Variants in COL22A1 observed in about 807,000 individuals in gnomAD.
COL22A1 encodes the protein collagen alpha-1(XXII) chain.
Under a neutral mutation model 248.9 loss-of-function variants are expected in COL22A1, and 221 were observed. The observed-to-expected ratio is 0.89, with a 90% confidence interval of 0.80 to 0.99. The LOEUF is 0.99. COL22A1 is among the 50% of genes least tolerant of loss of function. The pLI is 0.00. For missense variants in COL22A1, 2,240 were observed against 2,179.0 expected, an observed-to-expected ratio of 1.03 and a Z score of -0.56; for synonymous variants, 891 against 793.4, an observed-to-expected ratio of 1.12 and a Z score of -2.07.
intron 22 of COL22A1, among the ~76,000 whole-genome samples, chr8:138,746,037 A>T (rs1421054698): frequency 6.6e-6 from 1 of 152,250 alleles, no homozygotes; most frequent in African/African-American, 2.4e-5. Context: ...CATCTCCTGC[A>T]GCTCCGGGGA....
At chr8:138,723,674 G>A (rs542852050) in intron 25 of COL22A1, among the ~76,000 whole-genome samples, 7 of 152,148 alleles carry the variant, frequency 4.6e-5, no homozygotes, top group Non-Finnish European at 1.0e-4. Flanking sequence ...AACGTTTGCC[G>A]GTGATGGTGC....
At chr8:138,591,381 G>T (rs746907734) in intron 64 of COL22A1, 43 bp downstream of exon 64, 1 of 1,465,006 alleles carries the variant, frequency 6.8e-7, no homozygotes, top group Non-Finnish European at 9.2e-7. Flanking sequence ...GGGTCTCCAG[G>T]GTAGCTCACA....
At chr8:138,670,591 G>T (rs1473673912) in intron 41 of COL22A1, among the ~76,000 whole-genome samples, 1 of 151,172 alleles carries the variant, frequency 6.6e-6, no homozygotes, top group Non-Finnish European at 1.5e-5. Context: ...AGGCAGATAA[G>T]ACATGAATTA....
intron 22 of COL22A1, among the ~76,000 whole-genome samples, chr8:138,747,763 C>G (rs11166840): frequency 6.6e-6 from 1 of 151,668 alleles, no homozygotes; most frequent in Admixed American, 6.6e-5. Context: ...CCAGTAGATA[C>G]AGAAGAAGAA....
intron 32 of COL22A1, 33 bp downstream of exon 32, chr8:138,700,079 C>T (rs773459102): frequency 1.5e-5 from 24 of 1,609,012 alleles, no homozygotes; most frequent in South Asian, 6.7e-5. Flanking sequence ...GGCCGAGGCA[C>T]ACTGGGCACC....
chr8:138,636,361 C>T (rs113153706), intron 48 of COL22A1, among the ~76,000 whole-genome samples: 9 of 150,338 alleles, frequency 6.0e-5, no homozygotes, highest in African/African-American at 2.2e-4. Context: ...AGCAAGAGAG[C>T]CAGGCAACAG....
At chr8:138,837,172 C>G (rs1456572172) in intron 4 of COL22A1, among the ~76,000 whole-genome samples, 1 of 152,158 alleles carries the variant, frequency 6.6e-6, no homozygotes, top group Non-Finnish European at 1.5e-5. Flanking sequence ...CTGGGGACCA[C>G]AGTGGGAACC....
chr8:138,669,369 G>A (rs532421827), intron 41 of COL22A1, among the ~76,000 whole-genome samples: 6 of 152,290 alleles, frequency 3.9e-5, no homozygotes, highest in South Asian at 2.1e-4. Context: ...CCTGGAGGCC[G>A]GTCAGGGCAG....
intron 1 of COL22A1, among the ~76,000 whole-genome samples, chr8:138,909,778 T>C (rs1441162681): frequency 6.6e-6 from 1 of 152,284 alleles, no homozygotes; most frequent in East Asian, 1.9e-4. Context: ...AGGGCCACCC[T>C]CAAACACTCT....
At chr8:138,715,347 C>G (rs1829343945) in intron 30 of COL22A1, among the ~76,000 whole-genome samples, 2 of 151,954 alleles carry the variant, frequency 1.3e-5, no homozygotes. Context: ...CACCTGAGGT[C>G]AGGAGTTGCA....
rs79553135 is a variant in COL22A1, at chr8:138,857,362, G to A, written c.659-13204C>T. On this transcript the variant is annotated intron_variant, in intron 3 of 64. Coordinates refer to ENST00000303045, the MANE Select transcript of COL22A1 (RefSeq NM_152888.3). ...GGTCAGTGCCAAGCAGGACTGCAGT[G>A]TGGCCCCTCACATGACCACACCCTT... Among the ~76,000 whole-genome samples, 457 of 152,350 alleles carry A rather than the reference G, an allele frequency of 3.0e-3. 2 individuals carry two copies. The highest frequency in any genetic ancestry group is 0.01 in the African/African-American group (431 of 41,568).
intron 10 of COL22A1, among the ~76,000 whole-genome samples, chr8:138,807,192 C>T (rs1011271855): frequency 2.0e-5 from 3 of 152,054 alleles, no homozygotes; most frequent in African/African-American, 7.2e-5. Flanking sequence ...GGGAGAGGCC[C>T]AGCTGTCTCC....
chr8:138,874,291 C>T (rs1823548125), intron 3 of COL22A1, among the ~76,000 whole-genome samples: 1 of 152,176 alleles, frequency 6.6e-6, no homozygotes, highest in Admixed American at 6.5e-5. Context: ...TCACAGAATC[C>T]ATGAGCTTTT....
At position 138,643,363 on chromosome 8, in the gene COL22A1, G is replaced by A. The variant is rs1434216070; in HGVS notation, c.3501+3266C>T. 3.3e-5 allele frequency among the ~76,000 whole-genome samples: 5 copies of A among 152,152 alleles called. No individual in the cohort carries two copies. The South Asian group carries it at 6.2e-4, about 19-fold the overall frequency. On this transcript the variant is annotated intron_variant, in intron 47 of 64. Coordinates refer to ENST00000303045, the MANE Select transcript of COL22A1 (RefSeq NM_152888.3). ...TCTTCACAGTCCACGGGTCATGATCGCTAGATGTCTTAAGCTGTCAGCTAG... is the reference window on the plus strand; with the variant it reads ...TCTTCACAGTCCACGGGTCATGATCACTAGATGTCTTAAGCTGTCAGCTAG...
At chr8:138,676,759 G>A in intron 40 of COL22A1, 124 bp from the exon 41 acceptor site, 1 of 706,324 alleles carries the variant, frequency 1.4e-6, no homozygotes, top group East Asian at 2.8e-5. Context: ...TGGCCTCCAT[G>A]GGCCATGCTA....
intron 12 of COL22A1, among the ~76,000 whole-genome samples, chr8:138,782,165 T>C (rs1482850922): frequency 2.6e-5 from 4 of 152,220 alleles, no homozygotes; most frequent in African/African-American, 9.6e-5. Context: ...GACAAATGTC[T>C]CTGGCCATGG....
chr8:138,664,435 C>A (rs138703528), intron 41 of COL22A1, among the ~76,000 whole-genome samples: 155 of 152,210 alleles, frequency 1.0e-3, no homozygotes, highest in Non-Finnish European at 2.0e-3. Context: ...TGAGGCTTTG[C>A]GATGCTTGTG....
chr8:138,734,139 G>C (rs4567084), intron 23 of COL22A1, among the ~76,000 whole-genome samples: 1 of 151,960 alleles, frequency 6.6e-6, no homozygotes, highest in Non-Finnish European at 1.5e-5. Context: ...AAAGCTCTGC[G>C]GGAAATAGAC....
At position 138,745,473 on chromosome 8, in the gene COL22A1, C is replaced by T. The variant is rs79955083; in HGVS notation, c.2085+5985G>A. ...TATCTATTTATGCGTATTTTATAGG[C>T]ATATTCCTATTGTATTTATAACTAT... On this transcript the variant is annotated intron_variant, in intron 22 of 64. Transcript: ENST00000303045. 6.9e-3 allele frequency among the ~76,000 whole-genome samples: 1,057 copies of T among 152,236 alleles called. 10 individuals carry two copies. The highest frequency in any genetic ancestry group is 0.024 in the African/African-American group (1,012 of 41,534).
Sources: allele counts gnomAD v4.1 joint callset (sites outside exome capture counted in the v4.1 genomes callset), GRCh38; gene constraint gnomAD v4.1.1; transcripts MANE v1.5; gene names NCBI Gene and HGNC (gene_info 2026-07-23, HGNC 2026-07-21).